BDP1: variants seen among roughly 807,000 people sequenced by gnomAD.
The protein encoded by BDP1 is BDP1 general transcription factor IIIB subunit.
A neutral mutation model predicts 266.6 loss-of-function variants in BDP1; 169 were observed. The observed-to-expected ratio is 0.63, with a 90% CI of 0.56 to 0.72. The LOEUF (loss-of-function observed/expected upper bound fraction) is 0.72. Among genes scored for constraint, BDP1 ranks in the 30% least tolerant of loss-of-function variants. BDP1 has a pLI of 0.00. For missense variants in BDP1, 3,015 were observed against 3,053.8 expected (o/e 0.99, Z 0.30); for synonymous variants, 1,090 against 1,022.4 (o/e 1.07, Z -1.26).
chr5:71,559,816 T>C (rs1743499386), intron 36 of BDP1, among the ~76,000 whole-genome samples, 166 bp from the exon 37 acceptor site: 3 of 152,200 alleles, frequency 2.0e-5, no homozygotes, highest in Non-Finnish European at 2.9e-5. Context: ...TATTAACCAA[T>C]TATAATATTC....
chr5:71,506,673 G>A (rs967379754), intron 16 of BDP1, among the ~76,000 whole-genome samples: 7 of 150,644 alleles, frequency 4.6e-5, no homozygotes, highest in African/African-American at 1.7e-4. Context: ...TAATCTTCTA[G>A]GTTAATTTTG....
intron 6 of BDP1, 117 bp downstream of exon 6, chr5:71,467,604 C>A: frequency 1.2e-6 from 1 of 845,768 alleles, no homozygotes; most frequent in Non-Finnish European, 1.8e-6. Context: ...TTTATTCCAG[C>A]TAATTTTATT....
chr5:71,551,896 C>CG (rs1377682427), intron 34 of BDP1, among the ~76,000 whole-genome samples: 3 of 145,932 alleles, frequency 2.1e-5, no homozygotes, highest in Non-Finnish European at 4.5e-5. Context: ...GCTGGCCAGG[C>CG]GGGGGGCTGA....
Position 71,467,493 on chromosome 5 carries a change from T to A in BDP1, c.919+6T>A. 1 of 1,574,864 alleles carries A rather than the reference T, an allele frequency of 6.3e-7. No homozygotes were observed. Among genetic ancestry groups the A allele is most frequent in the Admixed American group, 1.8e-5 (1 of 55,200 alleles). ...TAAACCATGGTCAAATAAAGGTAAC[T>A]AATTTTCATTTAAAAATGTGTAAGT... On this transcript the variant is annotated splice_donor_region_variant and intron_variant, in intron 6 of 38. Transcript: ENST00000358731.
intron 17 of BDP1, 140 bp from the exon 18 acceptor site, chr5:71,512,101 A>G: frequency 2.2e-6 from 1 of 446,562 alleles, no homozygotes. Context: ...TAACATTTGG[A>G]AATTAAATTT....
At chr5:71,457,376 C>T (rs1378063375) in intron 1 of BDP1, among the ~76,000 whole-genome samples, 1 of 146,384 alleles carries the variant, frequency 6.8e-6, no homozygotes, top group East Asian at 2.0e-4. Flanking sequence ...GGCTGAAGTG[C>T]AGTGGTACGG....
At chr5:71,546,100 T>G (rs1360661952) in intron 32 of BDP1, among the ~76,000 whole-genome samples, 1 of 152,168 alleles carries the variant, frequency 6.6e-6, no homozygotes, top group Non-Finnish European at 1.5e-5. Flanking sequence ...AGACAGATCA[T>G]AAAAGGATTT....
At position 71,511,095 on chromosome 5, in the gene BDP1, C is replaced by T; in HGVS notation, c.4003C>T (p.His1335Tyr). Residue 1335 changes from histidine to tyrosine, a missense_variant, in exon 17 of 39, where the codon CAT (histidine) becomes TAT (tyrosine). His to Tyr is a moderately conservative substitution (Grantham distance 83). Transcript: ENST00000358731. ...CAGTACCTCAAGACAAACTGACACACATTTAATGCAGAGCGGTAGCAATGA... is the reference window on the plus strand; with the variant it reads ...CAGTACCTCAAGACAAACTGACACATATTTAATGCAGAGCGGTAGCAATGA... ...ETSTSRQTDTHLMQSGSNDFS... is the reference protein window; with the variant it reads ...ETSTSRQTDTYLMQSGSNDFS... The T allele has an allele frequency of 3.1e-6, 5 of 1,614,028 alleles. No individual in the cohort carries two copies. Among genetic ancestry groups the T allele is most frequent in the Non-Finnish European group, 4.2e-6 (5 of 1,179,916 alleles).
At chr5:71,555,953 A>G (rs991577749) in intron 35 of BDP1, among the ~76,000 whole-genome samples, 43 of 151,940 alleles carry the variant, frequency 2.8e-4, no homozygotes, top group African/African-American at 1.0e-3. Context: ...ACTTAGGGGA[A>G]ATTGACAGCA....
intron 21 of BDP1, among the ~76,000 whole-genome samples, chr5:71,517,066 A>G (rs962561413): frequency 7.9e-5 from 12 of 152,198 alleles, no homozygotes; most frequent in African/African-American, 2.9e-4. Flanking sequence ...GTTTGAATCT[A>G]ATTTTAAAGA....
intron 16 of BDP1, among the ~76,000 whole-genome samples, chr5:71,507,769 C>T (rs1310831762): frequency 6.6e-6 from 1 of 152,114 alleles, no homozygotes; most frequent in South Asian, 2.1e-4. Context: ...TTACATTTAA[C>T]GTTGTCAATT....
intron 26 of BDP1, among the ~76,000 whole-genome samples, 145 bp from the exon 27 acceptor site, chr5:71,538,887 GGTGAAATTTT>G (rs1157413945): frequency 6.6e-6 from 1 of 152,156 alleles, no homozygotes; most frequent in Non-Finnish European, 1.5e-5. Context: ...TGTTCTTGCT[GGTGAAATTTT>G]GTGAATAATT....
intron 25 of BDP1, among the ~76,000 whole-genome samples, chr5:71,524,614 TTTTATTTTTTATTTA>T (rs1412072278): frequency 1.3e-4 from 20 of 149,124 alleles, no homozygotes; most frequent in African/African-American, 4.2e-4. Context: ...TTTTTTTATT[TTTTATTTTTTATTTA>T]TTTATTTTTT....
At chr5:71,505,412 T>C (rs1764524809) in intron 16 of BDP1, among the ~76,000 whole-genome samples, 1 of 152,248 alleles carries the variant, frequency 6.6e-6, no homozygotes, top group South Asian at 2.1e-4. Flanking sequence ...TGAGCACATA[T>C]TGCCTTTATT....
intron 7 of BDP1, among the ~76,000 whole-genome samples, chr5:71,475,276 TA>T (rs1183742588): frequency 6.6e-6 from 1 of 152,006 alleles, no homozygotes; most frequent in Non-Finnish European, 1.5e-5. Context: ...CCCAGCTAAT[TA>T]AAAAAATTTT....
At chr5:71,522,972 G>A (rs765106323) in intron 24 of BDP1, 23 bp downstream of exon 24, 2 of 1,534,634 alleles carry the variant, frequency 1.3e-6, no homozygotes, top group Non-Finnish European at 1.8e-6. Flanking sequence ...TTAACAAAAT[G>A]TTTCACAATA....
At chr5:71,572,849 C>T in the BDP1 span, among the ~76,000 whole-genome samples, 1 of 152,140 alleles carries the variant, frequency 6.6e-6, no homozygotes, top group South Asian at 2.1e-4. Context: ...GTACTTCTAC[C>T]ATTAGCTCCT....
chr5:71,501,776 C>G (rs186740884), intron 14 of BDP1, 123 bp downstream of exon 14: 4 of 638,360 alleles, frequency 6.3e-6, no homozygotes, highest in East Asian at 2.7e-5. Context: ...ACTTTAAGTT[C>G]GTTTTCAACC....
intron 12 of BDP1, among the ~76,000 whole-genome samples, chr5:71,496,932 C>G (rs1763934113): frequency 6.6e-6 from 1 of 152,228 alleles, no homozygotes; most frequent in African/African-American, 2.4e-5. Context: ...TTTATCCTCA[C>G]TGTATTGTAT....
Sources: allele counts gnomAD v4.1 joint callset (sites outside exome capture counted in the v4.1 genomes callset), GRCh38; gene constraint gnomAD v4.1.1; transcripts MANE v1.5; gene names NCBI Gene and HGNC (gene_info 2026-07-23, HGNC 2026-07-21).